Variants in CCDC117 observed in about 807,000 individuals in gnomAD.
The protein encoded by CCDC117 is coiled-coil domain containing 117.
Under a neutral mutation model 23.5 loss-of-function variants are expected in CCDC117, and 1 was observed. The observed-to-expected ratio is 0.04, with a 90% CI of 0.02 to 0.20. The LOEUF (loss-of-function observed/expected upper bound fraction) is 0.20, where lower values mean the gene tolerates loss of function less well. CCDC117 is among the 10% of genes least tolerant of loss of function. The pLI is 1.00. For missense variants in CCDC117, 383 were observed against 348.2 expected (o/e 1.10, Z -0.80); for synonymous variants, 132 against 124.8 (o/e 1.06, Z -0.39).
chr22:28,783,883 G>A (rs1186332199), intron 4 of CCDC117, among the ~76,000 whole-genome samples: 1 of 152,140 alleles, frequency 6.6e-6, no homozygotes, highest in African/African-American at 2.4e-5. Flanking sequence ...GACCTGAAAT[G>A]GACTGCAGTC....
intron 2 of CCDC117, among the ~76,000 whole-genome samples, chr22:28,778,218 T>C (rs554152381): frequency 3.3e-5 from 5 of 152,320 alleles, no homozygotes; most frequent in Non-Finnish European, 7.3e-5. Flanking sequence ...TCTTTTAACT[T>C]TGTGTATGAT....
In CCDC117 at chr22:28,773,658, A is replaced by G. The variant is rs545544505; in HGVS notation, c.186-67A>G. 4.6e-6 allele frequency: 6 copies of G among 1,302,560 alleles called. No homozygotes were observed. In the South Asian group the frequency reaches 7.2e-5, roughly 16 times the overall value. 80.7% of individuals were successfully genotyped at this position (1,302,560 alleles called of 1,614,324 possible). A position where few individuals can be genotyped will look rare whatever the true frequency, so the allele number is the denominator to read the frequency against. ...GATGAGCAAGATTATTGGAGCAAGAAAGAGGATACTGAAACCACAAGCTCG... is the reference window on the plus strand; with the variant it reads ...GATGAGCAAGATTATTGGAGCAAGAGAGAGGATACTGAAACCACAAGCTCG... On this transcript the variant is annotated intron_variant, in intron 1 of 4. Coordinates refer to ENST00000249064, the MANE Select transcript of CCDC117 (RefSeq NM_173510.4).
At chr22:28,781,264 C>G (rs2031308164) in intron 3 of CCDC117, 92 bp downstream of exon 3, 1 of 677,220 alleles carries the variant, frequency 1.5e-6, no homozygotes, top group Non-Finnish European at 2.6e-6. Flanking sequence ...TTGGTGATAC[C>G]TTGATCCTTA....
intron 2 of CCDC117, among the ~76,000 whole-genome samples, chr22:28,776,892 G>C (rs1400673941): frequency 6.6e-6 from 1 of 151,558 alleles, no homozygotes; most frequent in Admixed American, 6.6e-5. Flanking sequence ...CCAATTTTTT[G>C]TATTTTTAGT....
At chr22:28,784,453 G>A (rs899079235) in intron 4 of CCDC117, among the ~76,000 whole-genome samples, 1 of 152,234 alleles carries the variant, frequency 6.6e-6, no homozygotes, top group Non-Finnish European at 1.5e-5. Flanking sequence ...TTTAGATCGA[G>A]TTGGCACTCA....
intron 2 of CCDC117, among the ~76,000 whole-genome samples, chr22:28,778,106 A>G (rs567443441): frequency 2.0e-5 from 3 of 151,748 alleles, no homozygotes; most frequent in South Asian, 2.1e-4. Context: ...CGGCCTCCCA[A>G]AGTGGCCTCG....
At position 28,784,650 on chromosome 22, in the gene CCDC117, A is replaced by G. The variant is rs115634050; in HGVS notation, c.602+1005A>G. Among the ~76,000 whole-genome samples the G allele has an allele frequency of 2.3e-3, 350 of 152,348 alleles. 3 individuals carry two copies. The highest frequency in any genetic ancestry group is 8.2e-3 in the African/African-American group (340 of 41,576). On this transcript the variant is annotated intron_variant, in intron 4 of 4. Coordinates refer to ENST00000249064, the MANE Select transcript of CCDC117 (RefSeq NM_173510.4). Reference sequence around the variant, plus strand: ...ATCTTGAGCTTATAATTAAGTACCCATCCCTAAGGGTGGGTAAATAGCCAG... The same window carrying G: ...ATCTTGAGCTTATAATTAAGTACCCGTCCCTAAGGGTGGGTAAATAGCCAG...
chr22:28,772,788 C>T lies in CCDC117; in HGVS notation c.-62C>T. 8.3e-7 allele frequency: 1 copy of T among 1,200,338 alleles called. No individual in the cohort carries two copies. The highest frequency in any genetic ancestry group is 1.0e-6 in the Non-Finnish European group (1 of 963,734). 74.4% of individuals were successfully genotyped at this position (1,200,338 alleles called of 1,614,324 possible). A position where few individuals can be genotyped will look rare whatever the true frequency, so the allele number is the denominator to read the frequency against. On this transcript the variant is annotated 5_prime_UTR_variant, in exon 1 of 5. Coordinates refer to ENST00000249064, the MANE Select transcript of CCDC117 (RefSeq NM_173510.4). ...GTTTTGGCAGTAGCTGTGGCTGCGG[C>T]TGCCGGGCCTGGGGACGCGGGCGGC...
chr22:28,779,017 G>T (rs1377216455), intron 2 of CCDC117, among the ~76,000 whole-genome samples: 1 of 152,050 alleles, frequency 6.6e-6, no homozygotes, highest in Admixed American at 6.6e-5. Context: ...TTTTGGGGAT[G>T]TGGACTCTCA....
rs780410068 is a variant in CCDC117 at position 28,778,500 on chromosome 22, C to T, written c.240-2448C>T. Reference sequence around the variant, plus strand: ...GTGCGCACCTGTAGTCCCAGCTACTCGGGGGGCTGAGGCGGGAGAATTGCT... The same window carrying T: ...GTGCGCACCTGTAGTCCCAGCTACTTGGGGGGCTGAGGCGGGAGAATTGCT... On this transcript the variant is annotated intron_variant, in intron 2 of 4. Transcript: ENST00000249064. Among the ~76,000 whole-genome samples, 8 of 152,038 alleles carry T rather than the reference C, an allele frequency of 5.3e-5. No individual in the cohort carries two copies. The South Asian group carries it at 8.3e-4, about 16-fold the overall frequency.
chr22:28,783,078 G>T (rs2031400059), intron 3 of CCDC117, among the ~76,000 whole-genome samples: 1 of 151,986 alleles, frequency 6.6e-6, no homozygotes, highest in South Asian at 2.1e-4. Context: ...GTCTTGCTCT[G>T]TTGCCCACGC....
chr22:28,773,775 A>C lies in CCDC117; in HGVS notation c.236A>C (p.Asp79Ala). Residue 79 changes from aspartate (D) to alanine (A), a missense_variant, in exon 2 of 5, where the codon GAT (aspartate) becomes GCT (alanine). Physicochemically the swap from Asp to Ala is moderately radical, Grantham distance 126 (BLOSUM62 -2). Transcript: ENST00000249064. Reference sequence around the variant, plus strand: ...CACAAGCGAGAGGAGGAGGAGGATGATGAGTAAGTTTCAGTGGTTGTTTAT... The same window carrying C: ...CACAAGCGAGAGGAGGAGGAGGATGCTGAGTAAGTTTCAGTGGTTGTTTAT... ...KKHKREEEED[D>A]DCPVRKKRIT... 1 of 1,613,356 alleles carries C rather than the reference A, an allele frequency of 6.2e-7. No individual in the cohort carries two copies. Among genetic ancestry groups the C allele is most frequent in the Non-Finnish European group, 8.5e-7 (1 of 1,179,248 alleles).
Position 28,786,578 on chromosome 22 carries a change from T to C in CCDC117, c.*252T>C. Reference sequence around the variant, plus strand: ...AAAGGAATGTTGGTTTACATTGTCTTCAAAGACAAGTATAGAAGCTGTATG... The same window carrying C: ...AAAGGAATGTTGGTTTACATTGTCTCCAAAGACAAGTATAGAAGCTGTATG... On this transcript the variant is annotated 3_prime_UTR_variant, in exon 5 of 5. Transcript: ENST00000249064. 2.3e-6 allele frequency: 1 copy of C among 437,050 alleles called. No homozygotes were observed. The highest frequency in any genetic ancestry group is 4.1e-6 in the Non-Finnish European group (1 of 242,728). 27.1% of individuals were successfully genotyped at this position (437,050 alleles called of 1,614,324 possible). A position where few individuals can be genotyped will look rare whatever the true frequency, so the allele number is the denominator to read the frequency against.
Position 28,787,296 on chromosome 22 carries a change from C to T in CCDC117, c.*970C>T, listed in dbSNP as rs1440180358. On this transcript the variant is annotated 3_prime_UTR_variant, in exon 5 of 5. Coordinates refer to ENST00000249064, the MANE Select transcript of CCDC117 (RefSeq NM_173510.4). ...CTGGGATTACAGGTGCCCACCTCCA[C>T]GCCCAGCTAATTTTTGTATTTTTAA... 2 of 152,098 alleles carry T rather than the reference C, an allele frequency of 1.3e-5. No homozygotes were observed. The highest frequency in any genetic ancestry group is 2.4e-5 in the African/African-American group (1 of 41,486). The allele number at this position is 152,098 out of a possible 1,614,324, so 9.4% of individuals were successfully genotyped here.
At chr22:28,778,373 C>G (rs1050346361) in intron 2 of CCDC117, among the ~76,000 whole-genome samples, 1 of 151,942 alleles carries the variant, frequency 6.6e-6, no homozygotes, top group Non-Finnish European at 1.5e-5. Context: ...TTTGGGAGGC[C>G]GAGGCAGGCA....
intron 4 of CCDC117, 43 bp downstream of exon 4, chr22:28,783,688 G>A (rs2146254636): frequency 6.3e-7 from 1 of 1,588,878 alleles, no homozygotes; most frequent in Non-Finnish European, 8.6e-7. Context: ...TGATCTTGGA[G>A]GGAAGACCCA....
intron 4 of CCDC117, among the ~76,000 whole-genome samples, chr22:28,784,101 A>G (rs187503178): frequency 5.3e-5 from 8 of 152,376 alleles, no homozygotes; most frequent in African/African-American, 1.4e-4. Context: ...GGCTCATAGC[A>G]TAGTCCTTCC....
chr22:28,785,470 G>C (rs942901376), intron 4 of CCDC117, among the ~76,000 whole-genome samples: 16 of 152,196 alleles, frequency 1.1e-4, no homozygotes, highest in Non-Finnish European at 2.1e-4. Flanking sequence ...TTACAGGCAT[G>C]AGCCACTGTG....
At chr22:28,778,782 C>A (rs5762788) in intron 2 of CCDC117, among the ~76,000 whole-genome samples, 60,210 of 151,944 alleles carry the variant, frequency 0.4, 13,190 homozygotes, top group East Asian at 0.68. Flanking sequence ...GGGATGAGAT[C>A]TTTGGATGTC....
Sources: allele counts gnomAD v4.1 joint callset (sites outside exome capture counted in the v4.1 genomes callset), GRCh38; gene constraint gnomAD v4.1.1; transcripts MANE v1.5; gene names NCBI Gene and HGNC (gene_info 2026-07-23, HGNC 2026-07-21).